THSD4: variants seen among roughly 807,000 people sequenced by gnomAD.
THSD4 encodes the protein thrombospondin type 1 domain containing 4.
THSD4 carries 69 observed loss-of-function variants against 119.0 expected under a neutral mutation model. The observed-to-expected ratio is 0.58, with a 90% CI of 0.48 to 0.71. The LOEUF (loss-of-function observed/expected upper bound fraction) is 0.71, where lower values mean the gene tolerates loss of function less well. Among genes scored for constraint, THSD4 ranks in the 30% least tolerant of loss-of-function variants. THSD4 has a pLI of 0.00. For missense variants in THSD4, 1,393 were observed against 1,391.1 expected (o/e 1.00, Z -0.02); for synonymous variants, 524 against 540.4 (o/e 0.97, Z 0.42).
chr15:71,421,625 A>T lies in THSD4; in HGVS notation c.1152+9802A>T, dbSNP rs554788036. Among the ~76,000 whole-genome samples, 76 of 152,078 alleles carry T rather than the reference A, an allele frequency of 5.0e-4. 1 individual carries two copies. The highest frequency in any genetic ancestry group is 1.7e-3 in the African/African-American group (72 of 41,490). ...TTTTGCTTTGACCTTTGAGAGTTTG[A>T]TTATTAAATGTCTTGATTAGTGTCA... On this transcript the variant is annotated intron_variant, in intron 7 of 17. Transcript: ENST00000261862.
intron 6 of THSD4, among the ~76,000 whole-genome samples, chr15:71,297,703 G>A (rs2044885767): frequency 6.6e-6 from 1 of 152,010 alleles, no homozygotes; most frequent in Non-Finnish European, 1.5e-5. Flanking sequence ...CCACCTTCTG[G>A]ACTTAAGCAA....
intron 4 of THSD4, among the ~76,000 whole-genome samples, chr15:71,229,018 A>G (rs1210909008): frequency 6.6e-6 from 1 of 152,230 alleles, no homozygotes; most frequent in African/African-American, 2.4e-5. Flanking sequence ...CCCATTTTCC[A>G]GTAAGTCCTC....
intron 4 of THSD4, among the ~76,000 whole-genome samples, chr15:71,219,193 A>G (rs1273838344): frequency 6.6e-6 from 1 of 152,198 alleles, no homozygotes; most frequent in East Asian, 1.9e-4. Context: ...ACTGACTGTT[A>G]GAATTTTTTT....
intron 6 of THSD4, among the ~76,000 whole-genome samples, chr15:71,364,840 C>T (rs2045935321): frequency 1.3e-5 from 2 of 152,136 alleles, no homozygotes; most frequent in African/African-American, 4.8e-5. Context: ...TATGAAATTG[C>T]TGGAAGCTGA....
At chr15:71,666,951 C>CA (rs1257212093) in intron 8 of THSD4, among the ~76,000 whole-genome samples, 1 of 152,194 alleles carries the variant, frequency 6.6e-6, no homozygotes, top group Admixed American at 6.5e-5. Flanking sequence ...GAGGCCAACT[C>CA]ACCACAATGC....
intron 7 of THSD4, among the ~76,000 whole-genome samples, chr15:71,568,014 G>T (rs1256647557): frequency 2.6e-5 from 4 of 151,760 alleles, no homozygotes; most frequent in African/African-American, 9.7e-5. Context: ...TTATTATCCT[G>T]TTTGTGCCTT....
intron 1 of THSD4, among the ~76,000 whole-genome samples, chr15:71,122,134 G>T (rs915511919): frequency 2.0e-5 from 3 of 152,094 alleles, no homozygotes; most frequent in Non-Finnish European, 2.9e-5. Flanking sequence ...CGATATTTTA[G>T]TTGAGGCCCA....
At chr15:71,373,510 C>G (rs1000150988) in intron 6 of THSD4, among the ~76,000 whole-genome samples, 2 of 152,172 alleles carry the variant, frequency 1.3e-5, no homozygotes, top group Non-Finnish European at 2.9e-5. Flanking sequence ...ACTCAAATAG[C>G]AAATCATCAT....
intron 16 of THSD4, among the ~76,000 whole-genome samples, chr15:71,769,945 AAAAAG>A (rs1331415967): frequency 2.4e-5 from 2 of 83,466 alleles, no homozygotes; most frequent in African/African-American, 6.1e-5. Flanking sequence ...AAAAAAAAAA[AAAAAG>A]AATGGACTTT....
At chr15:71,757,171 C>T (rs1310482202) in intron 14 of THSD4, among the ~76,000 whole-genome samples, 1 of 152,100 alleles carries the variant, frequency 6.6e-6, no homozygotes, top group African/African-American at 2.4e-5. Flanking sequence ...TGCTCCAGGC[C>T]GCACAGCTAG....
At chr15:71,257,151 G>T (rs896482836) in intron 6 of THSD4, among the ~76,000 whole-genome samples, 8 of 152,110 alleles carry the variant, frequency 5.3e-5, no homozygotes, top group Non-Finnish European at 2.9e-5. Context: ...CCTGTAGGGG[G>T]CCTCACATGC....
At chr15:71,494,163 G>GA (rs1413225364) in intron 7 of THSD4, among the ~76,000 whole-genome samples, 1 of 152,168 alleles carries the variant, frequency 6.6e-6, no homozygotes, top group Non-Finnish European at 1.5e-5. Flanking sequence ...CTTTGTAAGT[G>GA]AAAAAATTTA....
chr15:71,538,452 G>A (rs779796229), intron 7 of THSD4, among the ~76,000 whole-genome samples: 4 of 152,138 alleles, frequency 2.6e-5, no homozygotes, highest in Admixed American at 2.0e-4. Context: ...GGTTGTTTTT[G>A]CCACTGTTTT....
At position 71,777,495 on chromosome 15, in the gene THSD4, T is replaced by C. The variant is rs747967543; in HGVS notation, c.*121T>C. Reference sequence around the variant, plus strand: ...GCCCAGGCGCTGCCAACCAACTTAGTCACCACCCCTGCCTCCGGTGAATGC... The same window carrying C: ...GCCCAGGCGCTGCCAACCAACTTAGCCACCACCCCTGCCTCCGGTGAATGC... On this transcript the variant is annotated 3_prime_UTR_variant, in exon 18 of 18. Coordinates refer to ENST00000261862, the MANE Select transcript of THSD4 (RefSeq NM_024817.3). 140 of 1,369,610 alleles carry C rather than the reference T, an allele frequency of 1.0e-4. 3 individuals carry two copies. In the South Asian group the frequency reaches 1.9e-3, roughly 18 times the overall value. 84.8% of individuals were successfully genotyped at this position (1,369,610 alleles called of 1,614,324 possible).
intron 1 of THSD4, among the ~76,000 whole-genome samples, chr15:71,104,062 G>C (rs939317245): frequency 6.6e-6 from 1 of 152,096 alleles, no homozygotes; most frequent in Non-Finnish European, 1.5e-5. Flanking sequence ...ATTCTGTCCA[G>C]GATTTATAGT....
At chr15:71,660,940 A>G (rs1420316184) in intron 8 of THSD4, among the ~76,000 whole-genome samples, 1 of 152,210 alleles carries the variant, frequency 6.6e-6, no homozygotes, top group Non-Finnish European at 1.5e-5. Context: ...TCTTGCAGAT[A>G]AATACTTAAT....
intron 3 of THSD4, among the ~76,000 whole-genome samples, chr15:71,205,466 TTTCTC>T (rs1219023443): frequency 6.6e-6 from 1 of 152,144 alleles, no homozygotes; most frequent in African/African-American, 2.4e-5. Flanking sequence ...TGGTTCATAT[TTTCTC>T]TAAAGCGTGG....
intron 7 of THSD4, among the ~76,000 whole-genome samples, chr15:71,595,910 A>T (rs2049899193): frequency 6.6e-6 from 1 of 152,178 alleles, no homozygotes; most frequent in Non-Finnish European, 1.5e-5. Flanking sequence ...GTTTTTGTTA[A>T]CTATGCACAT....
chr15:71,572,118 TAATAA>T (rs1292753557), intron 7 of THSD4, among the ~76,000 whole-genome samples: 4 of 152,114 alleles, frequency 2.6e-5, no homozygotes, highest in East Asian at 1.9e-4. Flanking sequence ...AAGCTATTTA[TAATAA>T]AATAAAATCC....
Sources: gnomAD v4.1 joint callset for allele counts (sites outside exome capture counted in the v4.1 genomes callset) on GRCh38, gnomAD v4.1.1 for gene constraint, MANE v1.5 for transcripts, NCBI Gene and HGNC (gene_info 2026-07-23, HGNC 2026-07-21) for gene names.